PRKG1: variants seen among roughly 807,000 people sequenced by gnomAD.
The protein encoded by PRKG1 is protein kinase cGMP-dependent 1.
Under a neutral mutation model 88.1 loss-of-function variants are expected in PRKG1, and 35 were observed. The ratio of observed to expected loss-of-function variants is 0.40; its 90% CI spans 0.30 to 0.53. PRKG1 has a LOEUF of 0.53. Among genes scored for constraint, PRKG1 ranks in the 20% least tolerant of loss-of-function variants. PRKG1 has a pLI of 0.59. For synonymous variants in PRKG1, 303 were observed against 292.5 expected (o/e 1.04, Z -0.37); for missense variants, 540 against 839.8 (o/e 0.64, Z 4.41).
At chr10:51,475,137 C>T (rs948545642) in intron 3 of PRKG1, among the ~76,000 whole-genome samples, 1 of 151,978 alleles carries the variant, frequency 6.6e-6, no homozygotes, top group Admixed American at 6.6e-5. Flanking sequence ...TTGCTATAAG[C>T]ACCTCTCCTT....
chr10:52,109,059 C>T (rs1847494127), intron 7 of PRKG1, among the ~76,000 whole-genome samples: 1 of 152,028 alleles, frequency 6.6e-6, no homozygotes, highest in South Asian at 2.1e-4. Flanking sequence ...AACTCCTGAC[C>T]TCATTATCCA....
chr10:52,258,972 G>T (rs1841370115), intron 10 of PRKG1, among the ~76,000 whole-genome samples: 1 of 151,910 alleles, frequency 6.6e-6, no homozygotes, highest in South Asian at 2.1e-4. Context: ...CCAGGCAAGG[G>T]TTACAACATA....
chr10:51,293,602 A>G (rs1840640021), intron 2 of PRKG1, among the ~76,000 whole-genome samples: 1 of 151,986 alleles, frequency 6.6e-6, no homozygotes, highest in Non-Finnish European at 1.5e-5. Flanking sequence ...CCTATACCGC[A>G]TTTTCTTTAT....
In PRKG1 at chr10:52,229,269, A is replaced by G. The variant is rs548263395; in HGVS notation, c.1077-22301A>G. ...TATTCAAAATGATTTGCCAAAGGCA[A>G]GAAAGTAGAAAATCTGAGATTTAGC... On this transcript the variant is annotated intron_variant, in intron 9 of 17. Coordinates refer to ENST00000373980, the MANE Select transcript of PRKG1 (RefSeq NM_006258.4). Among the ~76,000 whole-genome samples the G allele has an allele frequency of 2.0e-5, 3 of 152,380 alleles. No individual in the cohort carries two copies. In the South Asian group the frequency reaches 6.2e-4, roughly 32 times the overall value.
chr10:52,164,981 C>G (rs1838391563), intron 9 of PRKG1, among the ~76,000 whole-genome samples: 1 of 152,120 alleles, frequency 6.6e-6, no homozygotes, highest in African/African-American at 2.4e-5. Context: ...TCAATTCACA[C>G]TAAACCCAAA....
chr10:51,997,184 G>T (rs1483864561), intron 5 of PRKG1, among the ~76,000 whole-genome samples: 2 of 151,916 alleles, frequency 1.3e-5, no homozygotes, highest in Non-Finnish European at 2.9e-5. Context: ...TTAGATAAGA[G>T]AAATAAAGCT....
At chr10:51,826,354 C>T (rs1180244987) in intron 4 of PRKG1, among the ~76,000 whole-genome samples, 2 of 152,100 alleles carry the variant, frequency 1.3e-5, no homozygotes, top group Non-Finnish European at 2.9e-5. Flanking sequence ...AGAATATGTT[C>T]TAGTAAAATA....
intron 1 of PRKG1, among the ~76,000 whole-genome samples, chr10:51,042,517 T>C (rs117163172): frequency 0.017 from 2,624 of 152,246 alleles, 38 homozygotes; most frequent in Non-Finnish European, 0.03. Flanking sequence ...TTACTTAACC[T>C]TTCCAAGTTT....
chr10:51,976,713 C>T (rs1156783055), intron 5 of PRKG1, among the ~76,000 whole-genome samples: 1 of 151,906 alleles, frequency 6.6e-6, no homozygotes, highest in East Asian at 1.9e-4. Context: ...TTTGAATATA[C>T]TGAAAAACAC....
intron 7 of PRKG1, among the ~76,000 whole-genome samples, chr10:52,085,389 T>C (rs1846886777): frequency 6.6e-6 from 1 of 152,116 alleles, no homozygotes; most frequent in Non-Finnish European, 1.5e-5. Flanking sequence ...AGTCCTTCAT[T>C]CTTTTCCTTC....
At chr10:51,072,682 GT>G (rs1372195454), upstream of PRKG1, among the ~76,000 whole-genome samples, 1 of 152,050 alleles carries the variant, frequency 6.6e-6, no homozygotes, top group Non-Finnish European at 1.5e-5. Flanking sequence ...AAAATGAAGT[GT>G]CTTGTGTAAT....
intron 1 of PRKG1, among the ~76,000 whole-genome samples, chr10:51,001,735 A>G (rs1204074109): frequency 1.3e-5 from 2 of 152,144 alleles, no homozygotes; most frequent in Non-Finnish European, 2.9e-5. Flanking sequence ...AAACAACAAA[A>G]AAGAGGTGGT....
intron 1 of PRKG1, among the ~76,000 whole-genome samples, chr10:50,994,372 C>T (rs548064726): frequency 3.4e-5 from 5 of 145,430 alleles, no homozygotes; most frequent in Non-Finnish European, 7.5e-5. Context: ...AAGGATTTGA[C>T]AAGTAGATAT....
intron 3 of PRKG1, among the ~76,000 whole-genome samples, chr10:51,510,463 T>C (rs8181462): frequency 0.95 from 145,295 of 152,196 alleles, 69,388 homozygotes; most frequent in East Asian, 1. Flanking sequence ...CAGCACATAA[T>C]GAAAGTTATG....
At chr10:51,428,438 A>C (rs558701384) in intron 2 of PRKG1, among the ~76,000 whole-genome samples, 1 of 152,174 alleles carries the variant, frequency 6.6e-6, no homozygotes, top group Non-Finnish European at 1.5e-5. Context: ...AGGGATTTCT[A>C]GAATGATGGA....
chr10:51,186,954 T>TATATA (rs1837502874), intron 2 of PRKG1, among the ~76,000 whole-genome samples: 1 of 131,262 alleles, frequency 7.6e-6, no homozygotes, highest in Non-Finnish European at 1.6e-5. Context: ...AGGCCCTGTG[T>TATATA]TATATATATA....
chr10:51,913,101 G>A (rs1162802007), intron 5 of PRKG1, among the ~76,000 whole-genome samples: 1 of 152,050 alleles, frequency 6.6e-6, no homozygotes, highest in East Asian at 1.9e-4. Flanking sequence ...ATTAATTTTT[G>A]TATTTTTAGT....
At chr10:52,241,317 G>T (rs1274832959) in intron 9 of PRKG1, among the ~76,000 whole-genome samples, 1 of 152,082 alleles carries the variant, frequency 6.6e-6, no homozygotes, top group Non-Finnish European at 1.5e-5. Context: ...ACAGGTACCA[G>T]GACTCTCTGC....
At chr10:51,120,785 T>C (rs117924118) in intron 1 of PRKG1, among the ~76,000 whole-genome samples, 2,278 of 152,240 alleles carry the variant, frequency 0.015, 34 homozygotes, top group South Asian at 0.039. Flanking sequence ...CAAAGAGACA[T>C]TGTATTAATT....
Sources: gnomAD v4.1 joint callset for allele counts (sites outside exome capture counted in the v4.1 genomes callset) on GRCh38, gnomAD v4.1.1 for gene constraint, MANE v1.5 for transcripts, NCBI Gene and HGNC (gene_info 2026-07-23, HGNC 2026-07-21) for gene names.